BBOX1: variants seen among roughly 807,000 people sequenced by gnomAD.
BBOX1 encodes gamma-butyrobetaine hydroxylase 1.
In BBOX1, 35 loss-of-function variants were observed where a neutral mutation model predicts 41.6. The observed-to-expected ratio is 0.84, with a 90% CI of 0.64 to 1.11. The LOEUF is 1.11. BBOX1 is among the 50% of genes most tolerant of loss of function. BBOX1 has a pLI of 0.00. For synonymous variants in BBOX1, 163 were observed against 154.7 expected, an observed-to-expected ratio of 1.05 and a Z score of -0.40; for missense variants, 458 against 460.6, an observed-to-expected ratio of 0.99 and a Z score of 0.05.
Position 27,127,580 on chromosome 11 carries a change from T to G in BBOX1, c.*127T>G. Reference sequence around the variant, plus strand: ...CTTAACAATGAACATGTAACTTCTCTCACAAGAGTACTCTTTACTTTGTAA... The same window carrying G: ...CTTAACAATGAACATGTAACTTCTCGCACAAGAGTACTCTTTACTTTGTAA... On this transcript the variant is annotated 3_prime_UTR_variant, in exon 9 of 9. Transcript: ENST00000263182. The G allele has an allele frequency of 9.4e-7, 1 of 1,068,860 alleles. No individual in the cohort carries two copies. The allele number at this position is 1,068,860 out of a possible 1,614,324, so 66.2% of individuals were successfully genotyped here. A position where few individuals can be genotyped will look rare whatever the true frequency, so the allele number is the denominator to read the frequency against.
intron 4 of BBOX1, among the ~76,000 whole-genome samples, chr11:27,073,813 C>CA (rs1038186793): frequency 9.9e-5 from 15 of 150,938 alleles, no homozygotes; most frequent in African/African-American, 3.7e-4. Flanking sequence ...ATCACAAGGA[C>CA]AAAAAACCAA....
At chr11:27,121,508 G>C (rs922302775) in intron 7 of BBOX1, among the ~76,000 whole-genome samples, 3 of 152,174 alleles carry the variant, frequency 2.0e-5, no homozygotes, top group African/African-American at 7.2e-5. Context: ...ATGACTCCAG[G>C]CTAGCAATGG....
At chr11:27,053,035 G>C (rs1446255155) in intron 2 of BBOX1, among the ~76,000 whole-genome samples, 1 of 152,084 alleles carries the variant, frequency 6.6e-6, no homozygotes, top group Non-Finnish European at 1.5e-5. Context: ...TACAAAGAAA[G>C]CTGACAAAAT....
At chr11:27,120,008 T>C (rs1031282068) in intron 7 of BBOX1, among the ~76,000 whole-genome samples, 163 bp downstream of exon 7, 1 of 142,252 alleles carries the variant, frequency 7.0e-6, no homozygotes, top group Admixed American at 7.0e-5. Flanking sequence ...CATAAAAGTT[T>C]TTATTAAATT....
intron 5 of BBOX1, among the ~76,000 whole-genome samples, chr11:27,095,838 A>C (rs775234673): frequency 2.6e-5 from 4 of 151,996 alleles, no homozygotes; most frequent in Admixed American, 6.6e-5. Context: ...ATTTCTCTGC[A>C]TAGTAATGTG....
intron 4 of BBOX1, among the ~76,000 whole-genome samples, chr11:27,091,386 CA>C (rs1249367267): frequency 6.6e-6 from 1 of 151,938 alleles, no homozygotes; most frequent in Non-Finnish European, 1.5e-5. Flanking sequence ...GATAAACCAA[CA>C]AATGACTATT....
intron 4 of BBOX1, among the ~76,000 whole-genome samples, chr11:27,091,015 C>T (rs1042617580): frequency 6.6e-6 from 1 of 151,948 alleles, no homozygotes; most frequent in Non-Finnish European, 1.5e-5. Flanking sequence ...ACACAATTAT[C>T]ACAGTGGCCC....
At chr11:27,112,505 A>G (rs1296139848) in intron 5 of BBOX1, among the ~76,000 whole-genome samples, 1 of 151,922 alleles carries the variant, frequency 6.6e-6, no homozygotes, top group East Asian at 1.9e-4. Context: ...AATGCCACAC[A>G]CCTACAACCC....
At chr11:27,050,557 T>A (rs1252178945) in intron 2 of BBOX1, among the ~76,000 whole-genome samples, 2 of 152,154 alleles carry the variant, frequency 1.3e-5, no homozygotes, top group East Asian at 3.8e-4. Flanking sequence ...AGTGTATAGA[T>A]CTTTTACTCC....
chr11:27,111,441 G>T (rs887354780), intron 5 of BBOX1, among the ~76,000 whole-genome samples: 3 of 151,914 alleles, frequency 2.0e-5, no homozygotes, highest in African/African-American at 7.2e-5. Context: ...CAAACCTCAG[G>T]ATCATGCAAT....
At chr11:27,043,393 CTGGGGTACATGTGCAGAATGTGCACGTT>C (rs752102537) in intron 2 of BBOX1, among the ~76,000 whole-genome samples, 29 of 137,040 alleles carry the variant, frequency 2.1e-4, no homozygotes, top group Middle Eastern at 4.3e-3. Flanking sequence ...CTTTTAAGTG[CTGGGGTACATGTGCAGAATGTGCACGTT>C]TGGGGTACAT....
chr11:27,046,271 T>A (rs1356806608), intron 2 of BBOX1: 5 of 152,010 alleles, frequency 3.3e-5, no homozygotes, highest in Admixed American at 2.6e-4. Flanking sequence ...AAACTTGAAT[T>A]TGTAATATTA....
chr11:27,081,115 G>A (rs776897823), intron 4 of BBOX1, among the ~76,000 whole-genome samples: 6 of 152,104 alleles, frequency 3.9e-5, no homozygotes, highest in Non-Finnish European at 7.4e-5. Context: ...TGTTAAATTT[G>A]ACAAAGGATC....
At chr11:27,064,213 TC>T (rs569007362) in intron 4 of BBOX1, among the ~76,000 whole-genome samples, 41 of 152,176 alleles carry the variant, frequency 2.7e-4, no homozygotes, top group Non-Finnish European at 5.6e-4. Context: ...TTGTTTTTTT[TC>T]AAGCTGCGTT....
In BBOX1 at chr11:27,063,279, T is replaced by A. The variant is rs868370501; in HGVS notation, c.334+5964T>A. Among the ~76,000 whole-genome samples, 167 of 152,286 alleles carry A rather than the reference T, an allele frequency of 1.1e-3. 4 individuals carry two copies. The highest frequency in any genetic ancestry group is 6.8e-3 in the Middle Eastern group (2 of 294). Reference sequence around the variant, plus strand: ...TAAATCATATTAGAGACAAGGTTTTTATGTACTAATTATAATTTAGCTCTC... The same window carrying A: ...TAAATCATATTAGAGACAAGGTTTTAATGTACTAATTATAATTTAGCTCTC... On this transcript the variant is annotated intron_variant, in intron 4 of 8. Transcript: ENST00000263182.
intron 4 of BBOX1, among the ~76,000 whole-genome samples, chr11:27,076,502 T>C (rs1857635027): frequency 1.3e-5 from 2 of 152,186 alleles, no homozygotes; most frequent in South Asian, 4.1e-4. Context: ...ACTGTGTCAG[T>C]TGGCCTCCAG....
In BBOX1 at chr11:27,058,136, C is replaced by G. The variant is rs111347696; in HGVS notation, c.334+821C>G. On this transcript the variant is annotated intron_variant, in intron 4 of 8. Coordinates refer to ENST00000263182, the MANE Select transcript of BBOX1 (RefSeq NM_003986.3). ...ATCAAAGATAGACTGAAAAACAGTT[C>G]TTGCAAGATCTGGTCATTTAAAAGT... Among the ~76,000 whole-genome samples the G allele has an allele frequency of 5.3e-3, 800 of 152,196 alleles. 9 individuals are homozygous for G. The highest frequency in any genetic ancestry group is 0.018 in the African/African-American group (750 of 41,548).
intron 4 of BBOX1, among the ~76,000 whole-genome samples, chr11:27,072,618 T>G (rs1369841828): frequency 1.3e-5 from 2 of 152,122 alleles, no homozygotes; most frequent in Non-Finnish European, 2.9e-5. Context: ...GCCAAGTCAA[T>G]CCTAAGCCAA....
chr11:27,043,283 T>G (rs1851391277), intron 2 of BBOX1, among the ~76,000 whole-genome samples: 1 of 152,034 alleles, frequency 6.6e-6, no homozygotes, highest in Non-Finnish European at 1.5e-5. Context: ...CAAGGTGGTC[T>G]CGATTTCCTG....
Sources: allele counts gnomAD v4.1 joint callset (sites outside exome capture counted in the v4.1 genomes callset), GRCh38; gene constraint gnomAD v4.1.1; transcripts MANE v1.5; gene names NCBI Gene and HGNC (gene_info 2026-07-23, HGNC 2026-07-21).